BCKDHB: variants seen among roughly 807,000 people sequenced by gnomAD.
BCKDHB encodes the protein 2-oxoisovalerate dehydrogenase subunit beta, mitochondrial.
BCKDHB carries 41 observed loss-of-function variants against 48.5 expected under a neutral mutation model. The observed-to-expected ratio is 0.85, with a 90% confidence interval of 0.66 to 1.10. The LOEUF (loss-of-function observed/expected upper bound fraction) is 1.10, where lower values mean the gene tolerates loss of function less well. Among genes scored for constraint, BCKDHB ranks in the 50% least tolerant of loss-of-function variants. The pLI is 0.00. For missense variants in BCKDHB, 496 were observed against 494.2 expected (o/e 1.00, Z -0.03); for synonymous variants, 201 against 174.8 (o/e 1.15, Z -1.18).
intron 3 of BCKDHB, among the ~76,000 whole-genome samples, chr6:80,157,152 A>C (rs926458366): frequency 6.6e-6 from 1 of 151,986 alleles, no homozygotes; most frequent in Non-Finnish European, 1.5e-5. Flanking sequence ...GATGTTTTCT[A>C]TTTCATTTTC....
chr6:80,408,280 A>T, the BCKDHB span, among the ~76,000 whole-genome samples: 1 of 152,136 alleles, frequency 6.6e-6, no homozygotes, highest in Non-Finnish European at 1.5e-5. Flanking sequence ...GGATTTTTGC[A>T]TCAATGTTCA....
At chr6:80,213,187 A>G (rs2127845773) in intron 8 of BCKDHB, among the ~76,000 whole-genome samples, 1 of 152,338 alleles carries the variant, frequency 6.6e-6, no homozygotes, top group South Asian at 2.1e-4. Flanking sequence ...TAACTTTAGA[A>G]CAGTATTCTA....
chr6:80,263,793 A>G (rs1777398351), intron 8 of BCKDHB, among the ~76,000 whole-genome samples: 1 of 152,106 alleles, frequency 6.6e-6, no homozygotes, highest in African/African-American at 2.4e-5. Context: ...ACTGGCTGAC[A>G]ATCTTGGTTT....
the BCKDHB span, among the ~76,000 whole-genome samples, chr6:80,415,116 T>A: frequency 1.3e-5 from 2 of 152,230 alleles, no homozygotes; most frequent in African/African-American, 4.8e-5. Flanking sequence ...CATTGCTTTT[T>A]TATCCTGAAA....
At chr6:80,415,141 A>G in the BCKDHB span, among the ~76,000 whole-genome samples, 1 of 152,148 alleles carries the variant, frequency 6.6e-6, no homozygotes, top group Non-Finnish European at 1.5e-5. Context: ...AGCAAAGTTT[A>G]TCAGCTGAAG....
chr6:80,322,252 TTTTG>T (rs1485064003), intron 9 of BCKDHB, among the ~76,000 whole-genome samples: 6 of 122,960 alleles, frequency 4.9e-5, no homozygotes, highest in Non-Finnish European at 5.2e-5. Context: ...TTTTTTTTTT[TTTTG>T]GTGACGGAGT....
At chr6:80,290,149 C>G (rs1162798868) in intron 9 of BCKDHB, among the ~76,000 whole-genome samples, 2 of 152,196 alleles carry the variant, frequency 1.3e-5, no homozygotes, top group South Asian at 2.1e-4. Flanking sequence ...TGTCCCAGTG[C>G]CCCCAGGGCT....
chr6:80,117,222 A>G (rs1038106396), intron 1 of BCKDHB, among the ~76,000 whole-genome samples: 2 of 152,234 alleles, frequency 1.3e-5, no homozygotes, highest in South Asian at 2.1e-4. Context: ...AGGTATTCAC[A>G]TGGAAATAAT....
chr6:80,374,063 CTTT>C, the BCKDHB span: 2 of 682,270 alleles, frequency 2.9e-6, no homozygotes, highest in African/African-American at 1.8e-5. Flanking sequence ...TCTGGGATAT[CTTT>C]TTCTTCTGGG....
chr6:80,349,537 A>G (rs112303938), downstream of BCKDHB, among the ~76,000 whole-genome samples: 1 of 152,222 alleles, frequency 6.6e-6, no homozygotes, highest in African/African-American at 2.4e-5. Context: ...GGGTTAAAAA[A>G]CAAAATCCAA....
At position 80,116,268 on chromosome 6, in the gene BCKDHB, C is replaced by T. The variant is rs756594991; in HGVS notation, c.196+9379C>T. 5.9e-5 allele frequency among the ~76,000 whole-genome samples: 9 copies of T among 152,312 alleles called. No individual in the cohort carries two copies. In the South Asian group the frequency reaches 1.7e-3, roughly 28 times the overall value. On this transcript the variant is annotated intron_variant, in intron 1 of 9. Coordinates refer to ENST00000320393, the MANE Select transcript of BCKDHB (RefSeq NM_183050.4). ...TGCAATAACACCTCTCATTTGCCCC[C>T]CTCCTGCAGTTTGTCTTTGAATGTG...
At chr6:80,315,704 G>A (rs1385535276) in intron 9 of BCKDHB, among the ~76,000 whole-genome samples, 1 of 151,518 alleles carries the variant, frequency 6.6e-6, no homozygotes, top group Non-Finnish European at 1.5e-5. Context: ...CTGTATCTTC[G>A]AACTCCTGGG....
At chr6:80,368,668 G>A in the BCKDHB span, among the ~76,000 whole-genome samples, 143,716 of 151,968 alleles carry the variant, frequency 0.95, 68,483 homozygotes, top group East Asian at 1. Context: ...CCAAATAAGC[G>A]GTTTCATTTC....
At chr6:80,113,339 T>C (rs749667570) in intron 1 of BCKDHB, among the ~76,000 whole-genome samples, 2 of 152,098 alleles carry the variant, frequency 1.3e-5, no homozygotes, top group South Asian at 2.1e-4. Flanking sequence ...CCCACAATTA[T>C]CAGGGAGCTA....
chr6:80,140,730 A>G (rs1360695103), intron 3 of BCKDHB, among the ~76,000 whole-genome samples: 1 of 152,144 alleles, frequency 6.6e-6, no homozygotes, highest in Non-Finnish European at 1.5e-5. Context: ...GGATTTTTGC[A>G]TCAATGTTCA....
In BCKDHB at chr6:80,238,569, C is replaced by T. The variant is rs375461356; in HGVS notation, c.952-34566C>T. On this transcript the variant is annotated intron_variant, in intron 8 of 9. Coordinates refer to ENST00000320393, the MANE Select transcript of BCKDHB (RefSeq NM_183050.4). ...AGTGGTGGAAGATTTTGTTTTTTCACTCTTTTTATTTTATTTTTATTTATT... is the reference window on the plus strand; with the variant it reads ...AGTGGTGGAAGATTTTGTTTTTTCATTCTTTTTATTTTATTTTTATTTATT... Among the ~76,000 whole-genome samples the T allele has an allele frequency of 1.0e-3, 156 of 151,738 alleles. 6 individuals carry two copies. The South Asian group carries it at 0.032, about 31-fold the overall frequency.
intron 9 of BCKDHB, among the ~76,000 whole-genome samples, chr6:80,324,158 C>A (rs929142437): frequency 1.3e-5 from 2 of 152,252 alleles, no homozygotes; most frequent in Admixed American, 6.5e-5. Context: ...TGAATTAAGT[C>A]ATTCAGAGGT....
chr6:80,145,567 A>G (rs1036058207), intron 3 of BCKDHB, among the ~76,000 whole-genome samples: 7 of 152,230 alleles, frequency 4.6e-5, no homozygotes, highest in Middle Eastern at 3.4e-3. Flanking sequence ...CTGCCTGGCA[A>G]CTCAACTCTG....
chr6:80,395,415 A>G, the BCKDHB span, among the ~76,000 whole-genome samples: 1 of 152,188 alleles, frequency 6.6e-6, no homozygotes, highest in Non-Finnish European at 1.5e-5. Context: ...GGAGAAGGGA[A>G]CTTGTTGGGA....
Sources: gnomAD v4.1 joint callset for allele counts (sites outside exome capture counted in the v4.1 genomes callset) on GRCh38, gnomAD v4.1.1 for gene constraint, MANE v1.5 for transcripts, NCBI Gene and HGNC (gene_info 2026-07-23, HGNC 2026-07-21) for gene names.